The following TRPM1 variants were observed in gnomAD, a reference collection of about 807,000 sequenced individuals.
TRPM1 encodes the protein transient receptor potential cation channel subfamily M member 1, also known as TRPM1-203 APA Isoform, Intron 10.
Under a neutral mutation model 149.4 loss-of-function variants are expected in TRPM1, and 113 were observed. That is an observed-to-expected ratio of 0.76 (90% CI 0.65 to 0.88). TRPM1 has a LOEUF of 0.88. Ranked by LOEUF, TRPM1 falls within the 40% of genes least tolerant of loss-of-function variation. The pLI is 0.00. For missense variants in TRPM1, 1,976 were observed against 2,038.7 expected (o/e 0.97, Z 0.59); for synonymous variants, 741 against 759.5 (o/e 0.98, Z 0.40).
At chr15:31,041,871 C>A in intron 17 of TRPM1, 80 bp downstream of exon 17, 3 of 1,489,884 alleles carry the variant, frequency 2.0e-6, no homozygotes, top group Non-Finnish European at 2.8e-6. Context: ...GTGAGAAGTA[C>A]ATTGGCCACC....
chr15:31,086,979 C>T (rs903113823), intron 1 of TRPM1, among the ~76,000 whole-genome samples: 1 of 152,090 alleles, frequency 6.6e-6, no homozygotes, highest in African/African-American at 2.4e-5. Context: ...AGATACTCAA[C>T]ATCACTCATC....
chr15:31,048,584 G>A (rs1359860077), intron 13 of TRPM1, among the ~76,000 whole-genome samples: 1 of 152,170 alleles, frequency 6.6e-6, no homozygotes, highest in East Asian at 1.9e-4. Flanking sequence ...GGCCAAGGGA[G>A]GTGGATCACT....
chr15:31,139,641 T>C (rs1259309195), intron 1 of TRPM1, among the ~76,000 whole-genome samples: 2 of 152,350 alleles, frequency 1.3e-5, no homozygotes, highest in East Asian at 1.9e-4. Flanking sequence ...CTTTGGTAAG[T>C]AAGACTAGTT....
intron 17 of TRPM1, among the ~76,000 whole-genome samples, chr15:31,041,113 G>C (rs1444165463): frequency 6.6e-6 from 1 of 152,036 alleles, no homozygotes; most frequent in East Asian, 1.9e-4. Flanking sequence ...ACATGATCCA[G>C]ATTCAAATAT....
At chr15:31,067,641 T>C (rs2034416600) in intron 5 of TRPM1, among the ~76,000 whole-genome samples, 1 of 152,184 alleles carries the variant, frequency 6.6e-6, no homozygotes, top group African/African-American at 2.4e-5. Context: ...ATATTGCATG[T>C]CATGGGTGAC....
At chr15:31,023,969 A>C (rs911591173) in intron 27 of TRPM1, among the ~76,000 whole-genome samples, 10 of 152,228 alleles carry the variant, frequency 6.6e-5, no homozygotes, top group Admixed American at 6.5e-4. Context: ...TGGTTTCTGC[A>C]CAGAAGCACT....
rs1336727175 is a variant in TRPM1, at chr15:31,006,793, AT to A, written c.3630-3724del. On this transcript the variant is annotated intron_variant, in intron 27 of 27. Coordinates refer to ENST00000256552, the MANE Select transcript of TRPM1 (RefSeq NM_001252024.2). ...TCCTTCTTGGCTATTGTTATTTTTA[AT>A]TTTTTTTATTTTTAGCTCTTGTATT... Among the ~76,000 whole-genome samples, 14 of 151,762 alleles carry A rather than the reference AT, an allele frequency of 9.2e-5. 2 individuals are homozygous for A. The highest frequency in any genetic ancestry group is 1.5e-4 in the African/African-American group (6 of 41,286).
intron 1 of TRPM1, among the ~76,000 whole-genome samples, chr15:31,132,861 T>C (rs1049135644): frequency 6.6e-6 from 1 of 152,192 alleles, no homozygotes; most frequent in Non-Finnish European, 1.5e-5. Context: ...CCCTGCACTC[T>C]CTCTTGCCTG....
At chr15:31,153,445 C>T (rs1400377420) in intron 1 of TRPM1, among the ~76,000 whole-genome samples, 3 of 152,160 alleles carry the variant, frequency 2.0e-5, no homozygotes, top group Non-Finnish European at 2.9e-5. Context: ...TTGTCTCACC[C>T]TCTTGAGTAG....
At chr15:31,017,676 A>C (rs995922904) in intron 27 of TRPM1, among the ~76,000 whole-genome samples, 2 of 152,222 alleles carry the variant, frequency 1.3e-5, no homozygotes, top group African/African-American at 2.4e-5. Context: ...AATCTTCTCT[A>C]TATTGGGGTA....
intron 11 of TRPM1, among the ~76,000 whole-genome samples, chr15:31,054,600 G>C (rs976795545): frequency 2.6e-5 from 4 of 152,040 alleles, no homozygotes; most frequent in Non-Finnish European, 4.4e-5. Flanking sequence ...TGGCCTCTTC[G>C]TTATGTTTAA....
intron 1 of TRPM1, among the ~76,000 whole-genome samples, chr15:31,121,971 CA>C (rs1391543618): frequency 6.6e-6 from 1 of 152,076 alleles, no homozygotes; most frequent in Non-Finnish European, 1.5e-5. Flanking sequence ...AAGAACAATA[CA>C]TATAGTTATA....
intron 1 of TRPM1, among the ~76,000 whole-genome samples, chr15:31,112,782 T>G (rs1315858493): frequency 6.6e-6 from 1 of 152,194 alleles, no homozygotes; most frequent in African/African-American, 2.4e-5. Flanking sequence ...GCTTCCTGTA[T>G]TTTCCTCTTG....
chr15:31,035,676 T>TGAAA lies in TRPM1; in HGVS notation c.2572-6_2572-3dup, dbSNP rs1405204825. The stretch of plus-strand genomic sequence containing the variant: ...CAGCAGGTAGCCCAAGTATGATATC[T>TGAAA]GAAAGAAAGACAAGCTGTTAGCCGT... On this transcript the variant is annotated splice_region_variant and splice_polypyrimidine_tract_variant and intron_variant, in intron 20 of 27. Coordinates refer to ENST00000256552, the MANE Select transcript of TRPM1 (RefSeq NM_001252024.2). The TGAAA allele has an allele frequency of 6.8e-6, 11 of 1,614,200 alleles. No individual in the cohort carries two copies. The highest frequency in any genetic ancestry group is 9.3e-6 in the Non-Finnish European group (11 of 1,180,026).
intron 1 of TRPM1, among the ~76,000 whole-genome samples, chr15:31,152,717 G>T (rs570204871): frequency 6.6e-6 from 1 of 152,090 alleles, no homozygotes; most frequent in East Asian, 1.9e-4. Context: ...ATCATGGCTC[G>T]CTGCAGCCTT....
chr15:31,030,067 A>G (rs2032996562), intron 23 of TRPM1, among the ~76,000 whole-genome samples: 1 of 152,258 alleles, frequency 6.6e-6, no homozygotes, highest in African/African-American at 2.4e-5. Context: ...GATACTTGCA[A>G]TAATGATATG....
intron 1 of TRPM1, among the ~76,000 whole-genome samples, chr15:31,158,542 G>C (rs1055641112): frequency 1.3e-5 from 2 of 149,472 alleles, no homozygotes; most frequent in Non-Finnish European, 3.0e-5. Flanking sequence ...CAGGAGAATC[G>C]CTTGAACCCG....
chr15:31,114,190 C>T (rs954098367), intron 1 of TRPM1, among the ~76,000 whole-genome samples: 8 of 152,174 alleles, frequency 5.3e-5, no homozygotes, highest in Admixed American at 2.0e-4. Context: ...CTCCAAAAGG[C>T]CCCAGTGTGT....
chr15:31,053,937 C>T (rs903120640), intron 11 of TRPM1, among the ~76,000 whole-genome samples: 3 of 152,162 alleles, frequency 2.0e-5, no homozygotes, highest in African/African-American at 4.8e-5. Context: ...TGCTACAACA[C>T]GGATGAACCT....
Sources: allele counts gnomAD v4.1 joint callset (sites outside exome capture counted in the v4.1 genomes callset), GRCh38; gene constraint gnomAD v4.1.1; transcripts MANE v1.5; gene names NCBI Gene and HGNC (gene_info 2026-07-23, HGNC 2026-07-21).